The following MOGAT1 variants were observed in gnomAD, a reference collection of about 807,000 sequenced individuals.
MOGAT1 encodes the protein 2-acylglycerol O-acyltransferase 1.
A neutral mutation model predicts 31.4 loss-of-function variants in MOGAT1; 32 were observed. The ratio of observed to expected loss-of-function variants is 1.02; its 90% CI spans 0.77 to 1.37. The LOEUF is 1.37. Among genes scored for constraint, MOGAT1 ranks in the 40% most tolerant of loss-of-function variants. The pLI is 0.00. For synonymous variants in MOGAT1, 145 were observed against 144.5 expected (o/e 1.00, Z -0.03); for missense variants, 426 against 402.0 (o/e 1.06, Z -0.51).
chr2:222,693,449 T>G (rs1479523432), intron 3 of MOGAT1, among the ~76,000 whole-genome samples: 1 of 58,540 alleles, frequency 1.7e-5, no homozygotes, highest in Non-Finnish European at 3.0e-5. Flanking sequence ...AAATGTCTTG[T>G]TTTTTTTTTT....
At chr2:222,680,558 C>T (rs888597043) in intron 1 of MOGAT1, among the ~76,000 whole-genome samples, 1 of 152,082 alleles carries the variant, frequency 6.6e-6, no homozygotes, top group Non-Finnish European at 1.5e-5. Context: ...GAGGCAAGTT[C>T]TCTTAAAATA....
At chr2:222,674,969 A>T (rs1420940701) in intron 1 of MOGAT1, among the ~76,000 whole-genome samples, 2 of 152,148 alleles carry the variant, frequency 1.3e-5, no homozygotes, top group African/African-American at 4.8e-5. Flanking sequence ...CTGCACCCAG[A>T]CAAAATACAC....
Position 222,707,349 on chromosome 2 carries a change from AAAAG to A in MOGAT1, c.854-2377_854-2374del, listed in dbSNP as rs1396175675. On this transcript the variant is annotated intron_variant, in intron 5 of 5. Transcript: ENST00000446656. The stretch of plus-strand genomic sequence containing the variant: ...AGAAAGAAAGAAAAAGAAAGAAAGA[AAAAG>A]AAAGAAAGAGAAAGAAAGAGAAAGA... 6.5e-3 allele frequency among the ~76,000 whole-genome samples: 492 copies of A among 76,192 alleles called. 3 individuals are homozygous for A. Among genetic ancestry groups the A allele is most frequent in the Middle Eastern group, 8.5e-3 (1 of 118 alleles). 50.0% of individuals were successfully genotyped at this position (76,192 alleles called of 152,430 possible).
chr2:222,709,074 G>A (rs1408775154), intron 5 of MOGAT1, among the ~76,000 whole-genome samples: 2 of 152,026 alleles, frequency 1.3e-5, no homozygotes, highest in East Asian at 1.9e-4. Flanking sequence ...CTGGCCAGTC[G>A]CTCACCCTTG....
intron 5 of MOGAT1, among the ~76,000 whole-genome samples, chr2:222,706,762 G>A (rs975647703): frequency 2.0e-5 from 3 of 152,186 alleles, no homozygotes; most frequent in Admixed American, 6.5e-5. Flanking sequence ...TAAGAAAACA[G>A]AAGCTATTTT....
rs1692708102 is a variant in MOGAT1 at position 222,688,386 on chromosome 2, A to T, written c.137A>T (p.Asn46Ile). 6.2e-7 allele frequency: 1 copy of T among 1,613,108 alleles called. No homozygotes were observed. Among genetic ancestry groups the T allele is most frequent in the East Asian group, 2.2e-5 (1 of 44,876 alleles). Residue 46 changes from asparagine to isoleucine, a missense_variant, in exon 2 of 6, where the codon AAC (asparagine) becomes ATC (isoleucine). Asn to Ile is a moderately radical substitution (Grantham distance 149). Transcript: ENST00000446656. ...IGITVMLIIHNYLFLYIPYLM... is the reference protein window; with the variant it reads ...IGITVMLIIHIYLFLYIPYLM... Reference sequence around the variant, plus strand: ...ATCACTGTGATGCTGATCATACACAACTATTTGTTCCTTTACATCCCTTAT... The same window carrying T: ...ATCACTGTGATGCTGATCATACACATCTATTTGTTCCTTTACATCCCTTAT...
intron 1 of MOGAT1, among the ~76,000 whole-genome samples, chr2:222,682,807 T>TAA (rs1360542986): frequency 6.6e-6 from 1 of 152,188 alleles, no homozygotes; most frequent in African/African-American, 2.4e-5. Context: ...ACCTTGATGT[T>TAA]AAACAAAGGT....
chr2:222,695,932 G>A (rs202038109), intron 5 of MOGAT1, among the ~76,000 whole-genome samples: 18 of 151,912 alleles, frequency 1.2e-4, no homozygotes, highest in African/African-American at 2.4e-4. Flanking sequence ...TCTTTCCCCC[G>A]AGTCCCCAAA....
At chr2:222,688,167 T>G (rs1173124408) in intron 1 of MOGAT1, among the ~76,000 whole-genome samples, 177 bp from the exon 2 acceptor site, 2 of 152,242 alleles carry the variant, frequency 1.3e-5, no homozygotes, top group African/African-American at 4.8e-5. Context: ...GCTTGGCATA[T>G]AGTAAACACC....
intron 5 of MOGAT1, among the ~76,000 whole-genome samples, chr2:222,703,632 G>A (rs1038410415): frequency 1.3e-5 from 2 of 152,046 alleles, no homozygotes; most frequent in Admixed American, 6.6e-5. Context: ...CATAAGCCAC[G>A]GGTGAGCCCT....
intron 5 of MOGAT1, among the ~76,000 whole-genome samples, chr2:222,707,439 G>GGGGAAA (rs755995253): frequency 1.6e-4 from 24 of 151,884 alleles, no homozygotes; most frequent in African/African-American, 5.1e-4. Context: ...AGGCAAGGAA[G>GGGGAAA]GGGAAAGGGA....
intron 1 of MOGAT1, among the ~76,000 whole-genome samples, chr2:222,682,405 T>G (rs1044432730): frequency 3.9e-5 from 6 of 152,234 alleles, no homozygotes; most frequent in Non-Finnish European, 8.8e-5. Flanking sequence ...TTAATTTGTT[T>G]TTAAAGCTTT....
At chr2:222,687,130 AAAAAAAAAAGAAAGAAC>A (rs1433991582) in intron 1 of MOGAT1, among the ~76,000 whole-genome samples, 8 of 122,390 alleles carry the variant, frequency 6.5e-5, no homozygotes, top group African/African-American at 2.3e-4. Context: ...AAAAAAAAAA[AAAAAAAAAAGAAAGAAC>A]AAGAAAGAAA....
intron 3 of MOGAT1, among the ~76,000 whole-genome samples, chr2:222,692,950 C>A (rs1024907448): frequency 6.6e-6 from 1 of 152,168 alleles, no homozygotes; most frequent in Non-Finnish European, 1.5e-5. Flanking sequence ...AGGTTCAAAC[C>A]CATCTAGGCA....
At chr2:222,684,791 G>T (rs972175571) in intron 1 of MOGAT1, among the ~76,000 whole-genome samples, 1 of 152,078 alleles carries the variant, frequency 6.6e-6, no homozygotes, top group African/African-American at 2.4e-5. Context: ...TGGCCAGGCT[G>T]GTCTCAAACG....
intron 5 of MOGAT1, among the ~76,000 whole-genome samples, chr2:222,700,600 G>C (rs1692904975): frequency 6.6e-6 from 1 of 152,110 alleles, no homozygotes; most frequent in East Asian, 1.9e-4. Context: ...ATGATCTTAA[G>C]GTATAAGAAT....
chr2:222,684,730 C>T (rs1441572942), intron 1 of MOGAT1, among the ~76,000 whole-genome samples: 1 of 152,054 alleles, frequency 6.6e-6, no homozygotes, highest in Non-Finnish European at 1.5e-5. Context: ...GTGCCTGCCA[C>T]CACGCCCAGC....
At position 222,694,994 on chromosome 2, in the gene MOGAT1, A is replaced by C. The variant is rs955319921; in HGVS notation, c.654-95A>C. 7 of 962,476 alleles carry C rather than the reference A, an allele frequency of 7.3e-6. No individual in the cohort carries two copies. In the South Asian group the frequency reaches 1.3e-4, roughly 18 times the overall value. The allele number at this position is 962,476 out of a possible 1,614,324, so 59.6% of individuals were successfully genotyped here. On this transcript the variant is annotated intron_variant, in intron 4 of 5. Coordinates refer to ENST00000446656, the MANE Select transcript of MOGAT1 (RefSeq NM_058165.3). ...AGGAAGGCTTGGGCACATTTAAAAA[A>C]TTTTTCAGAAGTTGTTGCAAGAGTC... is the stretch of plus-strand genomic sequence containing the variant.
intron 5 of MOGAT1, among the ~76,000 whole-genome samples, chr2:222,696,050 A>T (rs1238882455): frequency 1.3e-5 from 2 of 152,236 alleles, no homozygotes; most frequent in African/African-American, 2.4e-5. Flanking sequence ...TTCACTTAGA[A>T]TAATGGTTTC....
Sources: gnomAD v4.1 joint callset for allele counts (sites outside exome capture counted in the v4.1 genomes callset) on GRCh38, gnomAD v4.1.1 for gene constraint, MANE v1.5 for transcripts, NCBI Gene and HGNC (gene_info 2026-07-23, HGNC 2026-07-21) for gene names.